TCHP: variants seen among roughly 807,000 people sequenced by gnomAD.
TCHP encodes trichoplein keratin filament binding.
A neutral mutation model predicts 88.7 loss-of-function variants in TCHP; 81 were observed. That is an observed-to-expected ratio of 0.91 (90% confidence interval 0.76 to 1.10). The LOEUF (loss-of-function observed/expected upper bound fraction) is 1.10, where lower values mean the gene tolerates loss of function less well. TCHP is among the 50% of genes least tolerant of loss of function. The pLI is 0.00. For missense variants in TCHP, 641 were observed against 632.1 expected, an observed-to-expected ratio of 1.01 and a Z score of -0.15; for synonymous variants, 232 against 232.5, an observed-to-expected ratio of 1.00 and a Z score of 0.02.
rs779795809 is a variant in TCHP, at chr12:109,908,597, AAAG to A, written c.715_717del (p.Lys239del). ...CATCATCACCACAGGCGACCAAACT[AAAG>A]AAGGAGCAGGAGAATCTGTTGAAGC... On this transcript the variant is annotated inframe_deletion, in exon 7 of 13. Coordinates refer to ENST00000405876, the MANE Select transcript of TCHP (RefSeq NM_001143852.2). 3.8e-5 allele frequency: 60 copies of A among 1,599,060 alleles called. No individual in the cohort carries two copies. The Middle Eastern group carries it at 6.6e-4, about 18-fold the overall frequency.
At position 109,911,171 on chromosome 12, in the gene TCHP, C is replaced by A; in HGVS notation, c.988C>A (p.Gln330Lys). ...CATGGCCGATGTGGCCTGGATGAAG[C>A]AGGCCATTGAGGAGCAGCTGCAGCT... ...QVMADVAWMK[Q>K]AIEEQLQLER... The change falls in exon 9 of 13, where the codon CAG becomes AAG. Residue 330 changes from glutamine (Q) to lysine (K), a missense_variant. Transcript: ENST00000405876. 6.3e-7 allele frequency: 1 copy of A among 1,593,884 alleles called. No individual in the cohort carries two copies. Among genetic ancestry groups the A allele is most frequent in the East Asian group, 2.3e-5 (1 of 44,098 alleles).
the TCHP span, among the ~76,000 whole-genome samples, chr12:109,893,816 A>G: frequency 6.6e-6 from 1 of 152,214 alleles, no homozygotes; most frequent in Non-Finnish European, 1.5e-5. Flanking sequence ...TGCATAGCCA[A>G]TGGAAATGGG....
chr12:109,883,041 CTTTTTTTTTTT>C, the TCHP span, among the ~76,000 whole-genome samples: 5 of 137,034 alleles, frequency 3.6e-5, no homozygotes, highest in Non-Finnish European at 8.0e-5. Flanking sequence ...TTTTTTTTTT[CTTTTTTTTTTT>C]TTGAGAGACA....
Position 109,914,585 on chromosome 12 carries a change from T to A in TCHP, c.1278T>A (p.Ser426Arg), listed in dbSNP as rs1195366579. 1 of 1,612,420 alleles carries A rather than the reference T, an allele frequency of 6.2e-7. No individual in the cohort carries two copies. Among genetic ancestry groups the A allele is most frequent in the African/African-American group, 1.3e-5 (1 of 74,806 alleles). The stretch of plus-strand genomic sequence containing the variant: ...TGGCTCGTCGCGAGAAAGAGGAGAG[T>A]GAAAAGCTGAAATCGGCCAGGAAGC... ...RELARREKEE[S>R]EKLKSARKQE... Residue 426 changes from serine (S) to arginine (R), a missense_variant, in exon 11 of 13, where the codon AGT becomes AGA. Ser to Arg is a moderately radical substitution (Grantham distance 110, BLOSUM62 -1). Coordinates refer to ENST00000405876, the MANE Select transcript of TCHP (RefSeq NM_001143852.2).
chr12:109,882,091 A>AAACAGTGT, the TCHP span, among the ~76,000 whole-genome samples: 2 of 152,214 alleles, frequency 1.3e-5, no homozygotes, highest in Admixed American at 1.3e-4. Flanking sequence ...GAAGAAAATA[A>AAACAGTGT]AACAGTGTAG....
intron 5 of TCHP, among the ~76,000 whole-genome samples, chr12:109,906,977 C>G (rs1469580323): frequency 6.6e-6 from 1 of 152,182 alleles, no homozygotes; most frequent in Non-Finnish European, 1.5e-5. Context: ...GCAGCCTCGA[C>G]TGGCTGGGCT....
At chr12:109,906,538 G>A in intron 4 of TCHP, 34 bp from the exon 5 acceptor site, 2 of 1,608,718 alleles carry the variant, frequency 1.2e-6, no homozygotes, top group Middle Eastern at 1.7e-4. Context: ...TCTGTCTGGT[G>A]AGGAAATTCA....
At chr12:109,902,980 T>C in intron 1 of TCHP, 47 bp from the exon 2 acceptor site, 1 of 1,522,698 alleles carries the variant, frequency 6.6e-7, no homozygotes, top group Non-Finnish European at 8.9e-7. Context: ...CTGGTGAGGG[T>C]TCCTGGGATT....
At chr12:109,884,487 C>A in the TCHP span, among the ~76,000 whole-genome samples, 1 of 152,162 alleles carries the variant, frequency 6.6e-6, no homozygotes, top group East Asian at 1.9e-4. Flanking sequence ...TGCACCCGGC[C>A]GAATCCATCT....
the TCHP span, among the ~76,000 whole-genome samples, chr12:109,885,724 G>A: frequency 4.0e-5 from 6 of 151,142 alleles, no homozygotes; most frequent in East Asian, 1.9e-4. Flanking sequence ...TTCCTGATCC[G>A]CCCTCCTCGG....
chr12:109,881,721 G>A, the TCHP span, among the ~76,000 whole-genome samples: 1 of 152,148 alleles, frequency 6.6e-6, no homozygotes, highest in African/African-American at 2.4e-5. Context: ...CTGGACACTT[G>A]TTTCCCAAAC....
the TCHP span, among the ~76,000 whole-genome samples, chr12:109,886,866 G>A: frequency 6.6e-6 from 1 of 151,800 alleles, no homozygotes; most frequent in Non-Finnish European, 1.5e-5. Flanking sequence ...GCACCGCCAC[G>A]CCCGGCTAAT....
chr12:109,913,170 G>GTCT (rs1447714359), intron 10 of TCHP, 98 bp downstream of exon 10: 4 of 1,021,600 alleles, frequency 3.9e-6, no homozygotes, highest in Non-Finnish European at 6.0e-6. Context: ...TGGGAACAGA[G>GTCT]TCTTCTCTGG....
chr12:109,893,873 G>A, the TCHP span, among the ~76,000 whole-genome samples: 1 of 152,162 alleles, frequency 6.6e-6, no homozygotes, highest in South Asian at 2.1e-4. Flanking sequence ...CAGAGAGAGA[G>A]AGAAATATGG....
At chr12:109,906,682 G>A (rs1870149357) in intron 5 of TCHP, 42 bp downstream of exon 5, 4 of 1,532,906 alleles carry the variant, frequency 2.6e-6, no homozygotes, top group African/African-American at 1.4e-5. Flanking sequence ...ATTCTGCTGT[G>A]CGAGACTGTT....
chr12:109,914,740 G>A, intron 11 of TCHP, 113 bp downstream of exon 11: 1 of 831,900 alleles, frequency 1.2e-6, no homozygotes, highest in Non-Finnish European at 1.9e-6. Context: ...ACGTTTGAGA[G>A]CACGGTGCTC....
At chr12:109,897,006 A>G (rs896714714), upstream of TCHP, among the ~76,000 whole-genome samples, 10 of 152,180 alleles carry the variant, frequency 6.6e-5, no homozygotes, top group Non-Finnish European at 1.3e-4. Context: ...TGCAGCAAGG[A>G]ACACGATGAT....
intron 6 of TCHP, 71 bp downstream of exon 6, chr12:109,907,770 G>A: frequency 1.3e-6 from 2 of 1,509,524 alleles, no homozygotes; most frequent in Non-Finnish European, 1.8e-6. Context: ...GCACTTGAGA[G>A]GCTGCCCTAA....
chr12:109,901,060 G>T (rs941697553), intron 1 of TCHP: 1 of 152,208 alleles, frequency 6.6e-6, no homozygotes, highest in Non-Finnish European at 1.5e-5. Context: ...AAGATGAAAG[G>T]TCTGTCCTCC....
Sources: gnomAD v4.1 joint callset for allele counts (sites outside exome capture counted in the v4.1 genomes callset) on GRCh38, gnomAD v4.1.1 for gene constraint, MANE v1.5 for transcripts, NCBI Gene and HGNC (gene_info 2026-07-23, HGNC 2026-07-21) for gene names.